The following SLC35F4 variants were observed in gnomAD, a reference collection of about 807,000 sequenced individuals.
SLC35F4 encodes the protein solute carrier family 35 member F4.
Under a neutral mutation model 44.2 loss-of-function variants are expected in SLC35F4, and 24 were observed. That is an observed-to-expected ratio of 0.54 (90% CI 0.39 to 0.76). The LOEUF (loss-of-function observed/expected upper bound fraction) is 0.76. Ranked by LOEUF, SLC35F4 falls within the 30% of genes least tolerant of loss-of-function variation. The probability of loss-of-function intolerance (pLI) is 0.00; values close to 1 mark genes in which losing one functional copy is unlikely to be tolerated. For synonymous variants in SLC35F4, 238 were observed against 223.6 expected (o/e 1.06, Z -0.57); for missense variants, 562 against 586.1 (o/e 0.96, Z 0.42).
At chr14:57,969,718 C>G (rs1000386583) in intron 1 of SLC35F4, among the ~76,000 whole-genome samples, 1 of 152,128 alleles carries the variant, frequency 6.6e-6, no homozygotes, top group African/African-American at 2.4e-5. Context: ...GTTTTTGGAT[C>G]TATAAATGGT....
intron 2 of SLC35F4, among the ~76,000 whole-genome samples, chr14:57,591,293 GC>G (rs1193052191): frequency 7.6e-6 from 1 of 130,938 alleles, no homozygotes; most frequent in Admixed American, 8.5e-5. Flanking sequence ...TTGTTGAGGA[GC>G]TGGGGGGGAT....
chr14:57,905,962 T>A (rs1355761125), intron 1 of SLC35F4, among the ~76,000 whole-genome samples: 2 of 151,874 alleles, frequency 1.3e-5, no homozygotes, highest in African/African-American at 2.4e-5. Flanking sequence ...TGACAATGAG[T>A]TGGTAAGAAG....
chr14:57,695,128 A>C (rs1429737391), intron 1 of SLC35F4, among the ~76,000 whole-genome samples: 1 of 152,164 alleles, frequency 6.6e-6, no homozygotes, highest in Non-Finnish European at 1.5e-5. Context: ...TTCATGTCTA[A>C]AACACCAAAA....
chr14:57,920,569 T>C (rs1712720295), intron 1 of SLC35F4, among the ~76,000 whole-genome samples: 1 of 152,096 alleles, frequency 6.6e-6, no homozygotes, highest in African/African-American at 2.4e-5. Flanking sequence ...TGAGAGCCTG[T>C]CTCAAAAAAG....
intron 1 of SLC35F4, among the ~76,000 whole-genome samples, chr14:57,637,620 G>A (rs1369759748): frequency 6.6e-6 from 1 of 152,120 alleles, no homozygotes; most frequent in African/African-American, 2.4e-5. Context: ...GCTAACTGAA[G>A]GAGGTACTAA....
chr14:57,747,112 AAC>A (rs1337398216), intron 1 of SLC35F4, among the ~76,000 whole-genome samples: 1 of 152,222 alleles, frequency 6.6e-6, no homozygotes, highest in African/African-American at 2.4e-5. Context: ...AAAGGAAATA[AAC>A]ATGTAAGCAA....
In SLC35F4 at chr14:57,667,535, CCA is replaced by C. The variant is rs1205973268; in HGVS notation, c.104-73413_104-73412del. On this transcript the variant is annotated intron_variant, in intron 1 of 7. Coordinates refer to ENST00000556826, the MANE Select transcript of SLC35F4 (RefSeq NM_001306087.2). ...GTGTGTGATGTTCCCCTTCCTGTGT[CCA>C]CATGTTCTCAATGTTCAATTCCTAC... Among the ~76,000 whole-genome samples, 64 of 144,734 alleles carry C rather than the reference CCA, an allele frequency of 4.4e-4. 1 individual carries two copies. The highest frequency in any genetic ancestry group is 1.5e-3 in the African/African-American group (59 of 38,664). 95.0% of individuals were successfully genotyped at this position (144,734 alleles called of 152,430 possible).
intron 1 of SLC35F4, among the ~76,000 whole-genome samples, chr14:57,874,966 A>C (rs1888368487): frequency 6.9e-6 from 1 of 144,782 alleles, no homozygotes; most frequent in Non-Finnish European, 1.5e-5. Flanking sequence ...TGGAAGAGGC[A>C]GTGGAATAAA....
At chr14:57,798,995 TAAAAC>T (rs1566863875) in intron 1 of SLC35F4, among the ~76,000 whole-genome samples, 2 of 152,224 alleles carry the variant, frequency 1.3e-5, no homozygotes, top group South Asian at 2.1e-4. Flanking sequence ...TGTAGCCAAT[TAAAAC>T]AAAGTTTGGG....
intron 1 of SLC35F4, among the ~76,000 whole-genome samples, chr14:57,928,920 G>A (rs770817745): frequency 2.6e-5 from 4 of 152,190 alleles, no homozygotes; most frequent in Non-Finnish European, 4.4e-5. Flanking sequence ...TCCGTGGATG[G>A]TTTCAACAGA....
intron 1 of SLC35F4, among the ~76,000 whole-genome samples, chr14:57,886,822 C>T (rs1310513900): frequency 1.3e-5 from 2 of 151,980 alleles, no homozygotes; most frequent in Non-Finnish European, 2.9e-5. Context: ...GCTAAATTAA[C>T]CAGGCATAAA....
intron 1 of SLC35F4, among the ~76,000 whole-genome samples, chr14:57,783,975 T>C (rs1262904084): frequency 2.0e-5 from 3 of 152,216 alleles, no homozygotes; most frequent in Non-Finnish European, 4.4e-5. Flanking sequence ...GTGAAGGCCA[T>C]CAAGCTCAAA....
At chr14:57,888,073 G>A (rs1418299364) in intron 1 of SLC35F4, among the ~76,000 whole-genome samples, 1 of 152,126 alleles carries the variant, frequency 6.6e-6, no homozygotes, top group Non-Finnish European at 1.5e-5. Context: ...CTTCATTGTA[G>A]AAGACCCACT....
intron 4 of SLC35F4, chr14:57,580,442 C>A: frequency 4.0e-6 from 1 of 247,358 alleles, no homozygotes; most frequent in Non-Finnish European, 8.2e-6. Context: ...TTTATACCTC[C>A]TTCTAAAGAA....
intron 1 of SLC35F4, among the ~76,000 whole-genome samples, chr14:57,776,300 C>A (rs575513458): frequency 6.6e-6 from 1 of 152,140 alleles, no homozygotes; most frequent in African/African-American, 2.4e-5. Context: ...TGCAACAAAC[C>A]CCTGCAAAAT....
At chr14:57,613,067 A>G (rs2071604212) in intron 1 of SLC35F4, among the ~76,000 whole-genome samples, 1 of 152,186 alleles carries the variant, frequency 6.6e-6, no homozygotes, top group South Asian at 2.1e-4. Flanking sequence ...ATCATATTTA[A>G]GATCTGGGCA....
At chr14:57,635,023 G>A (rs575576631) in intron 1 of SLC35F4, among the ~76,000 whole-genome samples, 152 of 152,194 alleles carry the variant, frequency 1.0e-3, no homozygotes, top group African/African-American at 3.4e-3. Flanking sequence ...GCTGACGCAG[G>A]AGGATCACTT....
intron 1 of SLC35F4, among the ~76,000 whole-genome samples, chr14:57,926,892 G>A (rs537831113): frequency 5.9e-5 from 9 of 152,266 alleles, no homozygotes; most frequent in East Asian, 1.9e-4. Flanking sequence ...TGGAGCCTGC[G>A]ATTCCAAAGC....
intron 1 of SLC35F4, among the ~76,000 whole-genome samples, chr14:57,778,598 T>C (rs1350083444): frequency 1.3e-5 from 2 of 152,080 alleles, no homozygotes; most frequent in African/African-American, 2.4e-5. Context: ...TATTAATACC[T>C]GAACTCGACA....
Sources: allele counts gnomAD v4.1 joint callset (sites outside exome capture counted in the v4.1 genomes callset), GRCh38; gene constraint gnomAD v4.1.1; transcripts MANE v1.5; gene names NCBI Gene and HGNC (gene_info 2026-07-23, HGNC 2026-07-21).